RGL4: variants seen among roughly 807,000 people sequenced by gnomAD.
RGL4 encodes the protein ral guanine nucleotide dissociation stimulator like 4.
RGL4 carries 41 observed loss-of-function variants against 49.6 expected under a neutral mutation model. The observed-to-expected ratio is 0.83, with a 90% CI of 0.64 to 1.07. The LOEUF (loss-of-function observed/expected upper bound fraction) is 1.07. Among genes scored for constraint, RGL4 ranks in the 50% least tolerant of loss-of-function variants. The pLI, the probability that RGL4 is intolerant of heterozygous loss-of-function variation, is 0.00. For synonymous variants in RGL4, 255 were observed against 238.0 expected (o/e 1.07, Z -0.66); for missense variants, 610 against 591.9 (o/e 1.03, Z -0.32).
Position 23,693,750 on chromosome 22 carries a change from C to T in RGL4, c.697-9C>T. 3.1e-6 allele frequency: 5 copies of T among 1,610,436 alleles called. No individual in the cohort carries two copies. Among genetic ancestry groups the T allele is most frequent in the Non-Finnish European group, 4.2e-6 (5 of 1,176,824 alleles). On this transcript the variant is annotated splice_polypyrimidine_tract_variant and intron_variant, in intron 3 of 10. Transcript: ENST00000290691. The stretch of plus-strand genomic sequence containing the variant: ...GCTGTGTCCGTGACACTCTCCTCCT[C>T]CCCCAAAGGAGCTGTTCAAGAAGGT...
At chr22:23,696,083 G>A (rs1326251533) in intron 6 of RGL4, among the ~76,000 whole-genome samples, 1 of 152,194 alleles carries the variant, frequency 6.6e-6, no homozygotes, top group Non-Finnish European at 1.5e-5. Context: ...AGACTCCAGA[G>A]AACACGACCC....
At chr22:23,694,787 G>C in intron 5 of RGL4, 163 bp from the exon 6 acceptor site, 1 of 654,202 alleles carries the variant, frequency 1.5e-6, no homozygotes, top group Non-Finnish European at 2.7e-6. Context: ...AGGAGCATGA[G>C]AGGTCCCACC....
At chr22:23,695,438 TCTGCTGCTGCTGCTGCTGCTG>T (rs60344348) in intron 6 of RGL4, 13 of 548,622 alleles carry the variant, frequency 2.4e-5, no homozygotes, top group Middle Eastern at 4.8e-4. Flanking sequence ...AAGCCAGGCC[TCTGCTGCTGCTGCTGCTGCTG>T]CTGCTGCTGC....
chr22:23,691,971 C>CCCGACCTCTGCCCCTTCCCTCCTAA lies in RGL4; in HGVS notation c.-55_-54insCTCTGCCCCTTCCCTCCTAACCGAC. On this transcript the variant is annotated 5_prime_UTR_variant, in exon 1 of 11. Transcript: ENST00000290691. ...TCCCAGCTCTCCCTGTCCTCCTCCC[C>CCCGACCTCTGCCCCTTCCCTCCTAA]CCGACATCTGCCCCTTCCCTCCTAA... The CCCGACCTCTGCCCCTTCCCTCCTAA allele has an allele frequency of 1.3e-6, 2 of 1,570,722 alleles. No homozygotes were observed. The highest frequency in any genetic ancestry group is 1.7e-6 in the Non-Finnish European group (2 of 1,151,338).
Position 23,692,426 on chromosome 22 carries a change from G to C in RGL4, c.271G>C (p.Ala91Pro). The C allele has an allele frequency of 6.2e-7, 1 of 1,614,216 alleles. No homozygotes were observed. ...PQRSSFRIKL[A>P]FRNLSWPGLG... ...ACGGTCATCTTTCCGGATAAAGCTGGCCTTCAGGAACCTCTCCTGGCCTGG... is the reference window on the plus strand; with the variant it reads ...ACGGTCATCTTTCCGGATAAAGCTGCCCTTCAGGAACCTCTCCTGGCCTGG... Residue 91 changes from alanine to proline, a missense_variant, in exon 2 of 11, where the codon GCC (alanine) becomes CCC (proline). Physicochemically the swap from Ala to Pro is conservative, Grantham distance 27. Transcript: ENST00000290691.
intron 10 of RGL4, 171 bp from the exon 11 acceptor site, chr22:23,698,673 G>A: frequency 1.2e-6 from 1 of 869,056 alleles, no homozygotes. Context: ...TGGCCTAGAG[G>A]AGGCTCTCCC....
In RGL4 at chr22:23,691,174, G is replaced by T. The variant is rs1026866303; in HGVS notation, c.-857G>T. 24 of 152,370 alleles carry T rather than the reference G, an allele frequency of 1.6e-4. No individual in the cohort carries two copies. The highest frequency in any genetic ancestry group is 5.8e-4 in the African/African-American group (24 of 41,566). The allele number at this position is 152,370 out of a possible 1,614,324, so 9.4% of individuals were successfully genotyped here. A position where few individuals can be genotyped will look rare whatever the true frequency, so the allele number is the denominator to read the frequency against. On this transcript the variant is annotated 5_prime_UTR_variant, in exon 1 of 11. It removes an upstream start codon present in the reference 5' UTR. Coordinates refer to ENST00000290691, the MANE Select transcript of RGL4 (RefSeq NM_153615.2). The stretch of plus-strand genomic sequence containing the variant: ...ATCTGCTGGGGGTGCTGTGATTCAT[G>T]TTTGTTACTTTTCTCTTCCCCCTCA...
intron 7 of RGL4, 25 bp from the exon 8 acceptor site, chr22:23,697,146 A>C (rs929688681): frequency 2.5e-6 from 4 of 1,569,262 alleles, no homozygotes; most frequent in Non-Finnish European, 3.5e-6. Context: ...TACCCCTCCC[A>C]CCTCCCCACC....
At chr22:23,698,799 A>ATG in intron 10 of RGL4, 45 bp from the exon 11 acceptor site, 1 of 1,583,120 alleles carries the variant, frequency 6.3e-7, no homozygotes. Context: ...AGGGGACCTG[A>ATG]TGTGTGGCTC....
intron 8 of RGL4, among the ~76,000 whole-genome samples, chr22:23,697,613 C>G (rs1018203556): frequency 6.6e-6 from 1 of 152,182 alleles, no homozygotes; most frequent in African/African-American, 2.4e-5. Flanking sequence ...CTATGAGAGA[C>G]CTCAGTTTCC....
chr22:23,696,425 G>C, intron 6 of RGL4, 189 bp from the exon 7 acceptor site: 3 of 1,532,884 alleles, frequency 2.0e-6, no homozygotes, highest in Non-Finnish European at 2.6e-6. Flanking sequence ...TACAGAAGAG[G>C]AAACAGTCTC....
chr22:23,694,903 C>T (rs757152244), intron 5 of RGL4, 47 bp from the exon 6 acceptor site: 1 of 1,454,706 alleles, frequency 6.9e-7, no homozygotes, highest in South Asian at 1.1e-5. Context: ...ACTCACAAAT[C>T]TCCCCTGATT....
chr22:23,697,986 C>CA, intron 9 of RGL4, 125 bp downstream of exon 9: 1 of 1,274,042 alleles, frequency 7.8e-7, no homozygotes, highest in Non-Finnish European at 1.1e-6. Context: ...TTGACACACA[C>CA]AGGAGGAGGG....
intron 2 of RGL4, 46 bp downstream of exon 2, chr22:23,692,574 G>A (rs745839080): frequency 1.1e-5 from 17 of 1,589,564 alleles, no homozygotes. Context: ...GTGGTGTTTT[G>A]GGGCTACAAT....
intron 7 of RGL4, 53 bp downstream of exon 7, chr22:23,696,741 C>T (rs1923528338): frequency 4.0e-6 from 6 of 1,508,270 alleles, no homozygotes; most frequent in Non-Finnish European, 5.4e-6. Context: ...GACAGGGCTC[C>T]CTTCCCCGCC....
chr22:23,692,529 G>A lies in RGL4; in HGVS notation c.373+1G>A, dbSNP rs1343423852. 4 of 1,612,672 alleles carry A rather than the reference G, an allele frequency of 2.5e-6. No individual in the cohort carries two copies. In the South Asian group the frequency reaches 4.4e-5, roughly 18 times the overall value. On this transcript the variant is annotated splice_donor_variant, in intron 2 of 10. Coordinates refer to ENST00000290691, the MANE Select transcript of RGL4 (RefSeq NM_153615.2). LOFTEE classifies it high-confidence loss of function. Reference sequence around the variant, plus strand: ...GAGCCCAACGAGGCCAAGCCAGATGGTGAGGGGGCTTGCAGTCTGCAAGAC... The same window carrying A: ...GAGCCCAACGAGGCCAAGCCAGATGATGAGGGGGCTTGCAGTCTGCAAGAC...
chr22:23,693,864 G>C lies in RGL4; in HGVS notation c.802G>C (p.Ala268Pro). The C allele has an allele frequency of 6.2e-7, 1 of 1,613,978 alleles. No homozygotes were observed. Among genetic ancestry groups the C allele is most frequent in the Non-Finnish European group, 8.5e-7 (1 of 1,180,018 alleles). ...GGCACCCACAGTTCGTGCCACCATC[G>C]CACACTTCAACAGGCTCACCAACTG... ...HMAPTVRATIAHFNRLTNCIT... is the reference protein window; with the variant it reads ...HMAPTVRATIPHFNRLTNCIT... The change falls in exon 4 of 11, where the codon GCA becomes CCA. Residue 268 changes from alanine (A) to proline (P), a missense_variant. Physicochemically the swap from Ala to Pro is conservative, Grantham distance 27. Transcript: ENST00000290691.
intron 9 of RGL4, 73 bp from the exon 10 acceptor site, chr22:23,698,139 T>A: frequency 6.4e-7 from 1 of 1,558,712 alleles, no homozygotes; most frequent in Non-Finnish European, 8.7e-7. Flanking sequence ...ACCAGCCCCT[T>A]CTCCCTGCCT....
chr22:23,698,371 C>A (rs367991784), intron 10 of RGL4, 38 bp downstream of exon 10: 113 of 1,578,942 alleles, frequency 7.2e-5, no homozygotes, highest in Non-Finnish European at 9.1e-5. Flanking sequence ...TGGGAGAAGG[C>A]TCTCCATTTT....
Sources: gnomAD v4.1 joint callset for allele counts (sites outside exome capture counted in the v4.1 genomes callset) on GRCh38, gnomAD v4.1.1 for gene constraint, MANE v1.5 for transcripts, NCBI Gene and HGNC (gene_info 2026-07-23, HGNC 2026-07-21) for gene names.